Variants in IMMP2L observed in about 807,000 individuals in gnomAD.
IMMP2L encodes mitochondrial inner membrane protease subunit 2.
Under a neutral mutation model 19.3 loss-of-function variants are expected in IMMP2L, and 18 were observed. That is an observed-to-expected ratio of 0.93 (90% confidence interval 0.64 to 1.38). The LOEUF is 1.38. IMMP2L is among the 40% of genes most tolerant of loss of function. The pLI is 0.00. For missense variants in IMMP2L, 233 were observed against 218.2 expected (o/e 1.07, Z -0.43); for synonymous variants, 76 against 73.0 (o/e 1.04, Z -0.21).
At chr7:110,986,796 G>A (rs963809376) in intron 3 of IMMP2L, among the ~76,000 whole-genome samples, 68 of 150,092 alleles carry the variant, frequency 4.5e-4, no homozygotes, top group Admixed American at 3.5e-3. Flanking sequence ...CACTAGGGTG[G>A]ATTGAAATAT....
At chr7:111,557,457 T>C (rs11973828) in intron 1 of IMMP2L, among the ~76,000 whole-genome samples, 118,637 of 152,102 alleles carry the variant, frequency 0.78, 47,917 homozygotes, top group East Asian at 0.97. Flanking sequence ...GTTCCCAGTA[T>C]ACACTATGTT....
At chr7:111,017,949 TAAC>T (rs1825873572) in intron 3 of IMMP2L, among the ~76,000 whole-genome samples, 1 of 152,206 alleles carries the variant, frequency 6.6e-6, no homozygotes, top group Admixed American at 6.5e-5. Context: ...CAAACCTACT[TAAC>T]AACACTTTTT....
chr7:110,741,754 T>C (rs1314840104), intron 5 of IMMP2L, among the ~76,000 whole-genome samples: 4 of 152,052 alleles, frequency 2.6e-5, no homozygotes, highest in Non-Finnish European at 1.5e-5. Context: ...TATTATTTTA[T>C]AGAAATTACA....
chr7:111,066,205 A>G (rs1185092113), intron 3 of IMMP2L, among the ~76,000 whole-genome samples: 1 of 151,126 alleles, frequency 6.6e-6, no homozygotes, highest in Non-Finnish European at 1.5e-5. Flanking sequence ...CTGGTCTTGA[A>G]CTCCTGACCT....
chr7:111,500,553 C>T (rs1040607666), intron 2 of IMMP2L, among the ~76,000 whole-genome samples: 12 of 152,148 alleles, frequency 7.9e-5, no homozygotes, highest in East Asian at 1.9e-4. Flanking sequence ...GGGAGGCATC[C>T]GCCAGTACGG....
At chr7:110,898,821 TTA>T (rs990457021) in intron 4 of IMMP2L, among the ~76,000 whole-genome samples, 17 of 148,662 alleles carry the variant, frequency 1.1e-4, no homozygotes, top group African/African-American at 4.1e-4. Context: ...TTTTTTTTTT[TTA>T]AATAAAGAAC....
In IMMP2L at chr7:111,173,710, C is replaced by T. The variant is rs1227839188; in HGVS notation, c.240-210145G>A. On this transcript the variant is annotated intron_variant, in intron 3 of 5. Transcript: ENST00000405709. ...GTAAAACAGCAGATATAATCTTCCT[C>T]CTGGGGTGTTTCTTATATTATCAGA... 2.6e-5 allele frequency among the ~76,000 whole-genome samples: 4 copies of T among 151,588 alleles called. No homozygotes were observed. The South Asian group carries it at 8.3e-4, about 31-fold the overall frequency.
intron 5 of IMMP2L, among the ~76,000 whole-genome samples, chr7:110,839,650 C>G (rs1052663295): frequency 6.6e-6 from 1 of 151,942 alleles, no homozygotes; most frequent in African/African-American, 2.4e-5. Context: ...TAATATTAAA[C>G]ACATGAATGG....
intron 5 of IMMP2L, among the ~76,000 whole-genome samples, chr7:110,761,330 C>T (rs1043098004): frequency 6.6e-6 from 1 of 152,128 alleles, no homozygotes; most frequent in East Asian, 1.9e-4. Context: ...GCAAACAAAG[C>T]TTTCCAATGA....
intron 3 of IMMP2L, among the ~76,000 whole-genome samples, chr7:111,468,934 G>T (rs1840945362): frequency 6.6e-6 from 1 of 152,030 alleles, no homozygotes; most frequent in African/African-American, 2.4e-5. Flanking sequence ...TTTGGTATGG[G>T]CTAGGTTGGG....
chr7:110,973,846 C>G (rs1395174183), intron 3 of IMMP2L, among the ~76,000 whole-genome samples: 5 of 152,076 alleles, frequency 3.3e-5, no homozygotes, highest in Non-Finnish European at 7.4e-5. Flanking sequence ...GTGAGTTGTA[C>G]ATTTCACAGA....
chr7:111,350,397 T>C (rs1828032343), intron 3 of IMMP2L, among the ~76,000 whole-genome samples: 2 of 151,654 alleles, frequency 1.3e-5, no homozygotes, highest in Non-Finnish European at 2.9e-5. Flanking sequence ...TTTTTAAATA[T>C]TAGTGTATAT....
intron 1 of IMMP2L, among the ~76,000 whole-genome samples, chr7:111,540,850 C>T (rs376678945): frequency 1.1e-4 from 16 of 152,072 alleles, no homozygotes; most frequent in East Asian, 9.6e-4. Context: ...TTGTGTCAGA[C>T]GACATTCCAC....
intron 3 of IMMP2L, among the ~76,000 whole-genome samples, chr7:111,207,585 C>T (rs1403527329): frequency 3.6e-4 from 44 of 121,876 alleles, no homozygotes; most frequent in African/African-American, 1.2e-3. Flanking sequence ...TGTCATCAGG[C>T]TGGAGTGCAG....
intron 3 of IMMP2L, among the ~76,000 whole-genome samples, chr7:111,419,851 C>G (rs1835317291): frequency 6.6e-6 from 1 of 151,526 alleles, no homozygotes; most frequent in African/African-American, 2.4e-5. Flanking sequence ...ATTTACTGCC[C>G]TTACTCAAAA....
intron 3 of IMMP2L, among the ~76,000 whole-genome samples, chr7:111,126,057 A>T (rs184925831): frequency 2.0e-4 from 30 of 152,184 alleles, no homozygotes; most frequent in African/African-American, 7.2e-4. Flanking sequence ...TCCTGGCCTC[A>T]TATGATCTGC....
At chr7:111,191,374 G>GAAT (rs1808850538) in intron 3 of IMMP2L, among the ~76,000 whole-genome samples, 2 of 150,670 alleles carry the variant, frequency 1.3e-5, no homozygotes, top group African/African-American at 4.9e-5. Flanking sequence ...CACTATAACA[G>GAAT]AATACTTCCA....
At position 110,870,885 on chromosome 7, in the gene IMMP2L, C is replaced by A. The variant is rs999161736; in HGVS notation, c.408+15708G>T. Among the ~76,000 whole-genome samples the A allele has an allele frequency of 5.3e-5, 8 of 152,038 alleles. No homozygotes were observed. The highest frequency in any genetic ancestry group is 2.6e-4 in the Admixed American group (4 of 15,254). On this transcript the variant is annotated intron_variant, in intron 5 of 5. Transcript: ENST00000405709. The surrounding 1 kb of genome is among the most constrained non-coding windows in gnomAD (Gnocchi z 4.2). ...GAAGTGTTTCATGTAGGCTAGAGAT[C>A]GGGTTTGAGGATAACTGTAAGATAA...
chr7:110,774,933 T>TA (rs1799277641), intron 5 of IMMP2L, among the ~76,000 whole-genome samples: 1 of 151,930 alleles, frequency 6.6e-6, no homozygotes, highest in Admixed American at 6.6e-5. Context: ...CTCCTTAGTG[T>TA]AAAAAAATAA....
Sources: gnomAD v4.1 joint callset for allele counts (sites outside exome capture counted in the v4.1 genomes callset) on GRCh38, gnomAD v4.1.1 for gene constraint, Gnocchi (gnomAD v3.1) non-coding constraint, MANE v1.5 for transcripts, NCBI Gene and HGNC (gene_info 2026-07-23, HGNC 2026-07-21) for gene names.